Variants in SMURF2 observed in about 807,000 individuals in gnomAD.
SMURF2 encodes E3 ubiquitin-protein ligase SMURF2.
A neutral mutation model predicts 109.6 loss-of-function variants in SMURF2; 48 were observed. That is an observed-to-expected ratio of 0.44 (90% confidence interval 0.35 to 0.56). The LOEUF is 0.56. Among genes scored for constraint, SMURF2 ranks in the 20% least tolerant of loss-of-function variants. SMURF2 has a pLI of 0.01. For synonymous variants in SMURF2, 288 were observed against 317.1 expected (o/e 0.91, Z 0.97); for missense variants, 575 against 909.0 (o/e 0.63, Z 4.72).
At chr17:64,619,787 T>C (rs1286201777) in intron 1 of SMURF2, among the ~76,000 whole-genome samples, 2 of 151,966 alleles carry the variant, frequency 1.3e-5, no homozygotes, top group African/African-American at 2.4e-5. Flanking sequence ...CCTCATTACC[T>C]CCCAAATGCA....
rs73333981 is a variant in SMURF2, at chr17:64,658,830, T to C, written c.52+2999A>G. Among the ~76,000 whole-genome samples the C allele has an allele frequency of 2.1e-3, 322 of 152,342 alleles. 1 individual carries two copies. The highest frequency in any genetic ancestry group is 7.4e-3 in the African/African-American group (307 of 41,572). ...TATAAGTATAATGATATAGACATTA[T>C]ACATTTTGTAATCAATGTTATAGAA... is the stretch of plus-strand genomic sequence containing the variant. On this transcript the variant is annotated intron_variant, in intron 1 of 18. Coordinates refer to ENST00000262435, the MANE Select transcript of SMURF2 (RefSeq NM_022739.4).
At chr17:64,633,661 A>G (rs192932635) in intron 1 of SMURF2, among the ~76,000 whole-genome samples, 1 of 152,290 alleles carries the variant, frequency 6.6e-6, no homozygotes, top group East Asian at 1.9e-4. Flanking sequence ...AGTTGATTAG[A>G]GGCATTAGAG....
chr17:64,574,140 A>T (rs1247911654), intron 9 of SMURF2, among the ~76,000 whole-genome samples: 1 of 152,242 alleles, frequency 6.6e-6, no homozygotes, highest in Admixed American at 6.5e-5. Context: ...TAAAAAAAAA[A>T]TTAAAATAAA....
At chr17:64,631,271 AGGGGGGGGGG>A (rs528711403) in intron 1 of SMURF2, among the ~76,000 whole-genome samples, 82 of 5,890 alleles carry the variant, frequency 0.014, 5 homozygotes, top group African/African-American at 0.045. Flanking sequence ...GGGGGGAGAG[AGGGGGGGGGG>A]GAGAGAGAGA....
chr17:64,591,074 C>T lies in SMURF2; in HGVS notation c.400+10G>A, dbSNP rs782182984. ...ACCAAAATTCATGTAACTTTAAATT[C>T]CACACTTACCTACTATCTGTCCTCT... On this transcript the variant is annotated intron_variant, in intron 5 of 18. Coordinates refer to ENST00000262435, the MANE Select transcript of SMURF2 (RefSeq NM_022739.4). 35 of 1,606,320 alleles carry T rather than the reference C, an allele frequency of 2.2e-5. No individual in the cohort carries two copies. Among genetic ancestry groups the T allele is most frequent in the Non-Finnish European group, 2.8e-5 (33 of 1,175,382 alleles).
At chr17:64,606,697 T>A in intron 1 of SMURF2, 57 bp from the exon 2 acceptor site, 2 of 1,263,310 alleles carry the variant, frequency 1.6e-6, no homozygotes, top group Non-Finnish European at 2.2e-6. Context: ...AAGAGTGTAC[T>A]GTTACATTTT....
intron 13 of SMURF2, among the ~76,000 whole-genome samples, chr17:64,556,610 G>A (rs1969123493): frequency 6.6e-6 from 1 of 152,196 alleles, no homozygotes; most frequent in South Asian, 2.1e-4. Flanking sequence ...GACCTGGCAT[G>A]TTATAAGCAG....
At chr17:64,574,478 T>C (rs1969459920) in intron 9 of SMURF2, among the ~76,000 whole-genome samples, 1 of 152,220 alleles carries the variant, frequency 6.6e-6, no homozygotes, top group Admixed American at 6.5e-5. Flanking sequence ...ATCCTGGATA[T>C]CTTTAAATAA....
intron 1 of SMURF2, among the ~76,000 whole-genome samples, chr17:64,625,695 G>C (rs1320862631): frequency 6.6e-6 from 1 of 152,100 alleles, no homozygotes; most frequent in Non-Finnish European, 1.5e-5. Flanking sequence ...ACACCGCTGA[G>C]TCCTAACTCC....
chr17:64,579,261 G>A (rs972722527), intron 8 of SMURF2, among the ~76,000 whole-genome samples: 4 of 151,722 alleles, frequency 2.6e-5, no homozygotes, highest in African/African-American at 7.3e-5. Flanking sequence ...TCTCTAAAAG[G>A]GTTTCTTTAT....
At chr17:64,590,086 A>G (rs1331170710) in intron 5 of SMURF2, among the ~76,000 whole-genome samples, 1 of 151,894 alleles carries the variant, frequency 6.6e-6, no homozygotes, top group Non-Finnish European at 1.5e-5. Flanking sequence ...ATAACAAAAT[A>G]ATCTCACTAA....
chr17:64,571,569 C>A (rs1969399475), intron 10 of SMURF2, among the ~76,000 whole-genome samples: 1 of 152,056 alleles, frequency 6.6e-6, no homozygotes, highest in African/African-American at 2.4e-5. Flanking sequence ...CCACACCCAG[C>A]TAATTTTTTA....
chr17:64,661,765 C>G (rs145806567), intron 1 of SMURF2, 64 bp downstream of exon 1: 34,425 of 1,166,566 alleles, frequency 0.03, 595 homozygotes, highest in Non-Finnish European at 0.034. Flanking sequence ...CCCAAGGCCA[C>G]AGGCACCCCC....
intron 1 of SMURF2, among the ~76,000 whole-genome samples, chr17:64,629,903 A>C (rs1441866704): frequency 2.6e-5 from 4 of 152,206 alleles, no homozygotes; most frequent in Non-Finnish European, 5.9e-5. Context: ...TGTTGAATCC[A>C]TAAATAATTC....
chr17:64,613,672 CAGTGTGTGTG>C (rs200387866), intron 1 of SMURF2, among the ~76,000 whole-genome samples: 29 of 53,722 alleles, frequency 5.4e-4, no homozygotes, highest in African/African-American at 2.0e-3. Flanking sequence ...TTCCACGGAC[CAGTGTGTGTG>C]TGTGTGTGTG....
chr17:64,593,375 A>G (rs1969774703), intron 4 of SMURF2, 65 bp downstream of exon 4: 1 of 1,433,572 alleles, frequency 7.0e-7, no homozygotes, highest in Non-Finnish European at 9.3e-7. Flanking sequence ...ATGTATATGC[A>G]CAAATACATA....
At chr17:64,566,498 T>G (rs1461043446) in intron 10 of SMURF2, among the ~76,000 whole-genome samples, 2 of 144,606 alleles carry the variant, frequency 1.4e-5, no homozygotes, top group African/African-American at 5.4e-5. Flanking sequence ...AATCCTGTCC[T>G]TAAGAAGAAA....
In SMURF2 at chr17:64,546,301, A is replaced by C. The variant is rs550472832; in HGVS notation, c.2109T>G (p.Ile703Met). 46 of 1,613,962 alleles carry C rather than the reference A, an allele frequency of 2.9e-5. No homozygotes were observed. The highest frequency in any genetic ancestry group is 3.1e-5 in the Non-Finnish European group (37 of 1,179,948). The change falls in exon 18 of 19, where the codon ATT (isoleucine) becomes ATG (methionine). Residue 703 changes from isoleucine (I) to methionine (M), a missense_variant. Around this residue, in one of 5 missense-constraint regions of SMURF2, gnomAD observed 361 missense variants for 612.1 expected, o/e 0.59. Coordinates refer to ENST00000262435, the MANE Select transcript of SMURF2 (RefSeq NM_022739.4). ...TCGGCAGGTTGTTAGTGCAGGCATCAATCTGGTGTATGGTAAAGAGTCTCG... is the reference window on the plus strand; with the variant it reads ...TCGGCAGGTTGTTAGTGCAGGCATCCATCTGGTGTATGGTAAAGAGTCTCG... ...AGPRLFTIHQ[I>M]DACTNNLPKA...
At chr17:64,551,453 A>G (rs1555683593) in intron 16 of SMURF2, 131 bp downstream of exon 16, 1 of 981,492 alleles carries the variant, frequency 1.0e-6, no homozygotes, top group Non-Finnish European at 1.5e-6. Context: ...TCCTGTGAAT[A>G]AGAATTCTCA....
Sources: allele counts gnomAD v4.1 joint callset (sites outside exome capture counted in the v4.1 genomes callset), GRCh38; gene constraint gnomAD v4.1.1; regional missense constraint gnomAD v4.1.1; transcripts MANE v1.5; gene names NCBI Gene and HGNC (gene_info 2026-07-23, HGNC 2026-07-21).